The following VPS13B variants were observed in gnomAD, a reference collection of about 807,000 sequenced individuals.
The protein encoded by VPS13B is vacuolar protein sorting 13 homolog B.
In VPS13B, 285 loss-of-function variants were observed where a neutral mutation model predicts 426.4. The ratio of observed to expected loss-of-function variants is 0.67; its 90% CI spans 0.61 to 0.74. The LOEUF (loss-of-function observed/expected upper bound fraction) is 0.74, where lower values mean the gene tolerates loss of function less well. Among genes scored for constraint, VPS13B ranks in the 30% least tolerant of loss-of-function variants. The pLI, the probability that VPS13B is intolerant of heterozygous loss-of-function variation, is 0.00. For missense variants in VPS13B, 4,537 were observed against 4,782.6 expected (o/e 0.95, Z 1.51); for synonymous variants, 1,676 against 1,676.4 (o/e 1.00, Z 0.01).
intron 33 of VPS13B, among the ~76,000 whole-genome samples, chr8:99,602,372 C>G (rs1434194584): frequency 6.6e-6 from 1 of 152,086 alleles, no homozygotes. Context: ...AATTTTGGTA[C>G]CAGTACCATG....
intron 17 of VPS13B, among the ~76,000 whole-genome samples, chr8:99,210,140 A>G (rs1814993070): frequency 6.6e-6 from 1 of 152,220 alleles, no homozygotes; most frequent in South Asian, 2.1e-4. Context: ...GGTTTAAGTG[A>G]ATAAGGAGAA....
In VPS13B at chr8:99,820,001, T is replaced by C. The variant is rs770171688; in HGVS notation, c.8873T>C (p.Ile2958Thr). 1 of 1,614,050 alleles carries C rather than the reference T, an allele frequency of 6.2e-7. No homozygotes were observed. Among genetic ancestry groups the C allele is most frequent in the Admixed American group, 1.7e-5 (1 of 60,006 alleles). The change falls in exon 49 of 62, where the codon ATA becomes ACA. Residue 2958 changes from isoleucine (I) to threonine (T), a missense_variant. By Grantham distance (89) the Ile-to-Thr change is moderately conservative. Transcript: ENST00000357162. ...IWKPYVRTLL[I>T]ELLPWALLIN... The stretch of plus-strand genomic sequence containing the variant: ...AAGCCATATGTTAGAACTTTGTTGA[T>C]AGAACTTCTGCCCTGGGCCCTGCTT...
Position 99,111,217 on chromosome 8 carries a change from T to C in VPS13B, c.700T>C (p.Phe234Leu). 1 of 1,603,518 alleles carries C rather than the reference T, an allele frequency of 6.2e-7. No individual in the cohort carries two copies. The highest frequency in any genetic ancestry group is 8.5e-7 in the Non-Finnish European group (1 of 1,175,696). Residue 234 changes from phenylalanine (F) to leucine (L), a missense_variant, in exon 6 of 62, where the codon TTC becomes CTC. By Grantham distance (22) the Phe-to-Leu change is conservative. Around this residue, in one of 2 missense-constraint regions of VPS13B, gnomAD observed 226 missense variants for 308.3 expected, o/e 0.73. Coordinates refer to ENST00000357162, the MANE Select transcript of VPS13B (RefSeq NM_152564.5). Reference sequence around the variant, plus strand: ...GGATCCTTTATTATACAAATGTTCCTTCAGAACTCGTCTTCATTTTACATA... The same window carrying C: ...GGATCCTTTATTATACAAATGTTCCCTCAGAACTCGTCTTCATTTTACATA... ...YQDPLLYKCS[F>L]RTRLHFTYEN...
intron 17 of VPS13B, 100 bp downstream of exon 17, chr8:99,193,157 A>G (rs377530928): frequency 2.9e-5 from 34 of 1,175,578 alleles, no homozygotes; most frequent in African/African-American, 2.6e-4. Flanking sequence ...GTCAACTTAA[A>G]TTGTAATATG....
Position 99,819,981 on chromosome 8 carries a change from A to T in VPS13B, c.8853A>T (p.Pro2951=), listed in dbSNP as rs147187040. ...PMRVKLSIWK[P]YVRTLLIELL... ...GAGTGAAGCTGTCAATCTGGAAGCC[A>T]TATGTTAGAACTTTGTTGATAGAAC... Residue 2951 remains proline, a synonymous_variant, in exon 49 of 62, where the codon CCA becomes CCT. Transcript: ENST00000357162. 6 of 1,613,950 alleles carry T rather than the reference A, an allele frequency of 3.7e-6. No individual in the cohort carries two copies. Among genetic ancestry groups the T allele is most frequent in the East Asian group, 4.5e-5 (2 of 44,888 alleles).
At chr8:99,470,544 A>T (rs894025152) in intron 24 of VPS13B, among the ~76,000 whole-genome samples, 2 of 152,172 alleles carry the variant, frequency 1.3e-5, no homozygotes. Context: ...CTTGGAGATG[A>T]TAGAAGAAAG....
chr8:99,102,723 A>T (rs1348563683), intron 4 of VPS13B, among the ~76,000 whole-genome samples: 1 of 152,190 alleles, frequency 6.6e-6, no homozygotes, highest in Non-Finnish European at 1.5e-5. Flanking sequence ...TTAGTATATG[A>T]ATACTTCACT....
intron 57 of VPS13B, 92 bp downstream of exon 57, chr8:99,859,572 T>C (rs1816726546): frequency 6.6e-7 from 1 of 1,523,860 alleles, no homozygotes; most frequent in African/African-American, 1.4e-5. Flanking sequence ...TGCATTCAGA[T>C]TGCCTCTAGC....
At chr8:99,060,249 T>C (rs1336088318) in intron 3 of VPS13B, among the ~76,000 whole-genome samples, 3 of 152,128 alleles carry the variant, frequency 2.0e-5, no homozygotes, top group Non-Finnish European at 4.4e-5. Flanking sequence ...CTAGAAGTAA[T>C]AGAGGATTCT....
chr8:99,486,690 A>G (rs776363208), intron 25 of VPS13B, among the ~76,000 whole-genome samples: 12 of 152,240 alleles, frequency 7.9e-5, no homozygotes, highest in Middle Eastern at 3.4e-3. Context: ...CAGACTCTAC[A>G]CTATGTCTGC....
intron 3 of VPS13B, among the ~76,000 whole-genome samples, chr8:99,068,810 T>G (rs1368364113): frequency 6.6e-6 from 1 of 152,116 alleles, no homozygotes; most frequent in African/African-American, 2.4e-5. Flanking sequence ...TGTGATCCAG[T>G]CACCTCCCAC....
chr8:99,607,883 A>G (rs964295210), intron 33 of VPS13B, among the ~76,000 whole-genome samples: 2 of 152,120 alleles, frequency 1.3e-5, no homozygotes, highest in African/African-American at 2.4e-5. Flanking sequence ...TAACAATTAT[A>G]TTTTTCAAAA....
rs201743076 is a variant in VPS13B at position 99,648,960 on chromosome 8, T to C, written c.5908+6462T>C. ...TCATCTGCGAGTACCTTTTTTTTTT[T>C]TCTCTCATTCCTGAAGGATATTTTT... On this transcript the variant is annotated intron_variant, in intron 34 of 61. Coordinates refer to ENST00000357162, the MANE Select transcript of VPS13B (RefSeq NM_152564.5). Among the ~76,000 whole-genome samples, 5 of 149,724 alleles carry C rather than the reference T, an allele frequency of 3.3e-5. No individual in the cohort carries two copies. The South Asian group carries it at 6.3e-4, about 19-fold the overall frequency.
At chr8:99,232,229 A>G (rs1563616641) in intron 17 of VPS13B, among the ~76,000 whole-genome samples, 3 of 152,104 alleles carry the variant, frequency 2.0e-5, no homozygotes, top group Admixed American at 2.0e-4. Flanking sequence ...AGAGAGAGAG[A>G]TAGAGAATTA....
chr8:99,645,714 AATTAGTTT>A (rs1410427599), intron 34 of VPS13B, among the ~76,000 whole-genome samples: 5 of 152,176 alleles, frequency 3.3e-5, no homozygotes, highest in Non-Finnish European at 7.3e-5. Flanking sequence ...GTGGAGCTCT[AATTAGTTT>A]ATTCAGAGTT....
chr8:99,151,342 TGTATTTTGCA>T (rs1811069400), intron 14 of VPS13B, among the ~76,000 whole-genome samples: 1 of 152,202 alleles, frequency 6.6e-6, no homozygotes. Context: ...TTAATTTTCC[TGTATTTTGCA>T]GAGCAGAAAT....
intron 3 of VPS13B, among the ~76,000 whole-genome samples, chr8:99,050,960 T>A (rs1843513589): frequency 6.6e-6 from 1 of 152,194 alleles, no homozygotes; most frequent in Non-Finnish European, 1.5e-5. Flanking sequence ...ATTGCAAAAT[T>A]TTTTTCCCAT....
chr8:99,800,276 C>G (rs1563922610), intron 43 of VPS13B, among the ~76,000 whole-genome samples: 1 of 152,116 alleles, frequency 6.6e-6, no homozygotes, highest in African/African-American at 2.4e-5. Context: ...CAAGGGTAAA[C>G]AGTCTTAAGG....
At chr8:99,122,911 G>A (rs911858119) in intron 8 of VPS13B, among the ~76,000 whole-genome samples, 1 of 151,688 alleles carries the variant, frequency 6.6e-6, no homozygotes, top group Middle Eastern at 3.2e-3. Flanking sequence ...TCTGGAATTC[G>A]AGACCAGCCT....
Sources: allele counts gnomAD v4.1 joint callset (sites outside exome capture counted in the v4.1 genomes callset), GRCh38; gene constraint gnomAD v4.1.1; regional missense constraint gnomAD v4.1.1; transcripts MANE v1.5; gene names NCBI Gene and HGNC (gene_info 2026-07-23, HGNC 2026-07-21).